The following ARAP1 variants were observed in gnomAD, a reference collection of about 807,000 sequenced individuals.
The protein encoded by ARAP1 is arf-GAP with Rho-GAP domain, ANK repeat and PH domain-containing protein 1.
Under a neutral mutation model 172.2 loss-of-function variants are expected in ARAP1, and 76 were observed. The observed-to-expected ratio is 0.44, with a 90% confidence interval of 0.37 to 0.53. The LOEUF is 0.53. Among genes scored for constraint, ARAP1 ranks in the 20% least tolerant of loss-of-function variants. The pLI is 0.00. For missense variants in ARAP1, 1,686 were observed against 1,977.5 expected, an observed-to-expected ratio of 0.85 and a Z score of 2.80; for synonymous variants, 804 against 803.3, an observed-to-expected ratio of 1.00 and a Z score of -0.01.
chr11:72,702,244 G>T (rs1856522606), intron 15 of ARAP1, among the ~76,000 whole-genome samples: 1 of 152,210 alleles, frequency 6.6e-6, no homozygotes, highest in Non-Finnish European at 1.5e-5. Flanking sequence ...AAGCCAGTTG[G>T]GTGGTCTCCT....
In ARAP1 at chr11:72,695,426, A is replaced by G; in HGVS notation, c.3537T>C (p.Tyr1179=). The G allele has an allele frequency of 1.2e-6, 2 of 1,614,200 alleles. No homozygotes were observed. Residue 1179 remains tyrosine, a synonymous_variant, in exon 26 of 35, where the codon TAT becomes TAC. Coordinates refer to ENST00000393609, the MANE Select transcript of ARAP1 (RefSeq NM_001040118.3). This position sits in a 1 kb window ranked among gnomAD's most constrained non-coding sequence, Gnocchi z 4.4. Reference sequence around the variant, plus strand: ...CAGTCTCTGCCTTCTTCTCTTCCAGATACACTGTGCAGATGAAGTCACCGG... The same window carrying G: ...CAGTCTCTGCCTTCTTCTCTTCCAGGTACACTGTGCAGATGAAGTCACCGG... ...QHAGDFICTV[Y]LEEKKAETEQ...
chr11:72,694,252 C>T (rs1460524530), intron 27 of ARAP1, among the ~76,000 whole-genome samples: 3 of 151,928 alleles, frequency 2.0e-5, no homozygotes, highest in African/African-American at 7.3e-5. Flanking sequence ...AAAGTGTGCT[C>T]TAATTTCCCT....
intron 34 of ARAP1, 45 bp from the exon 35 acceptor site, chr11:72,685,726 A>G (rs543166752): frequency 6.2e-7 from 1 of 1,613,060 alleles, no homozygotes; most frequent in South Asian, 1.1e-5. Context: ...GAAGGCCCAG[A>G]GGGGCTGGCG....
chr11:72,695,759 C>G lies in ARAP1; in HGVS notation c.3379G>C (p.Val1127Leu). 6.2e-7 allele frequency: 1 copy of G among 1,614,246 alleles called. No individual in the cohort carries two copies. Among genetic ancestry groups the G allele is most frequent in the Non-Finnish European group, 8.5e-7 (1 of 1,180,040 alleles). Reference sequence around the variant, plus strand: ...TAGTGGTTAATGAGGTCTTCCACCACACGGCCAGCCTTGTAGTCCTGCCCA... The same window carrying G: ...TAGTGGTTAATGAGGTCTTCCACCAGACGGCCAGCCTTGTAGTCCTGCCCA... ...TDGQDYKAGR[V>L]VEDLINHYVV... The change falls in exon 24 of 35, where the codon GTG becomes CTG. Residue 1127 changes from valine (V) to leucine (L), a missense_variant. Coordinates refer to ENST00000393609, the MANE Select transcript of ARAP1 (RefSeq NM_001040118.3). The surrounding 1 kb of genome is among the most constrained non-coding windows in gnomAD (Gnocchi z 4.4).
At chr11:72,748,613 T>C (rs771767982) in intron 1 of ARAP1, among the ~76,000 whole-genome samples, 1 of 152,136 alleles carries the variant, frequency 6.6e-6, no homozygotes, top group Non-Finnish European at 1.5e-5. Flanking sequence ...CTAGGACAGA[T>C]AACCTAACTA....
In ARAP1 at chr11:72,687,474, G is replaced by A; in HGVS notation, c.4150C>T (p.Leu1384Phe). The change falls in exon 33 of 35, where the codon CTC becomes TTC. Residue 1384 changes from leucine to phenylalanine, a missense_variant. Leu to Phe is a conservative substitution (Grantham distance 22). Around this residue, in one of 5 missense-constraint regions of ARAP1, gnomAD observed 379 missense variants for 500.1 expected, o/e 0.76. Coordinates refer to ENST00000393609, the MANE Select transcript of ARAP1 (RefSeq NM_001040118.3). ...WYLCCDTQME[L>F]REWFATFLFV... ...AGAAAGGTAGCGAACCACTCCCGGA[G>A]CTCCATCTGTGTGTCACAGCAGAGG... The A allele has an allele frequency of 6.2e-7, 1 of 1,614,156 alleles. No individual in the cohort carries two copies. Among genetic ancestry groups the A allele is most frequent in the Non-Finnish European group, 8.5e-7 (1 of 1,180,044 alleles).
Position 72,727,153 on chromosome 11 carries a change from T to A in ARAP1, c.-25A>T, listed in dbSNP as rs1427566717. ...TGGTTCCTGCCAGCGGAGGCCTGAC[T>A]GGCAGGGCTTTGTCCAGAGCTAGAA... On this transcript the variant is annotated 5_prime_UTR_variant, in exon 3 of 35. Transcript: ENST00000393609. The A allele has an allele frequency of 2.6e-6, 4 of 1,552,456 alleles. No homozygotes were observed. The Admixed American group carries it at 7.0e-5, about 27-fold the overall frequency.
chr11:72,722,750 A>AG (rs1488329371), intron 3 of ARAP1, among the ~76,000 whole-genome samples: 1 of 152,162 alleles, frequency 6.6e-6, no homozygotes, highest in African/African-American at 2.4e-5. Flanking sequence ...CAGGTATCAG[A>AG]GGGGGACACC....
Position 72,710,473 on chromosome 11 carries a change from C to T in ARAP1, c.1328G>A (p.Arg443His), listed in dbSNP as rs750813767. 53 of 1,613,976 alleles carry T rather than the reference C, an allele frequency of 3.3e-5. No homozygotes were observed. In the Middle Eastern group the frequency reaches 6.6e-4, roughly 20 times the overall value. The change falls in exon 10 of 35, where the codon CGC becomes CAC. Residue 443 changes from arginine to histidine, a missense_variant. This residue lies in a region of ARAP1 where 688 missense variants were observed against 856.9 expected (regional missense o/e 0.80). Transcript: ENST00000393609. The surrounding 1 kb of genome is among the most constrained non-coding windows in gnomAD (Gnocchi z 4.3). ...LGVPGSEQPD[R>H]AGSLELRGFK... ...GCCACGAAGCTCCAGGCTGCCAGCGCGGTCAGGCTGCTCTGAGCCTGGAAC... is the reference window on the plus strand; with the variant it reads ...GCCACGAAGCTCCAGGCTGCCAGCGTGGTCAGGCTGCTCTGAGCCTGGAAC...
At chr11:72,735,633 G>A (rs1460210288) in intron 1 of ARAP1, among the ~76,000 whole-genome samples, 1 of 152,102 alleles carries the variant, frequency 6.6e-6, no homozygotes, top group African/African-American at 2.4e-5. Context: ...GCTATATACA[G>A]GCCAGGCACT....
chr11:72,750,927 G>A (rs1400331353), intron 1 of ARAP1, among the ~76,000 whole-genome samples: 5 of 152,212 alleles, frequency 3.3e-5, no homozygotes, highest in African/African-American at 1.2e-4. Context: ...TTTGAATGGG[G>A]AGGAAGCTTC....
intron 1 of ARAP1, among the ~76,000 whole-genome samples, chr11:72,742,921 C>T (rs984653216): frequency 6.6e-6 from 1 of 152,176 alleles, no homozygotes; most frequent in Non-Finnish European, 1.5e-5. Flanking sequence ...CCCTGTGTGC[C>T]CCCACTCAAC....
At position 72,726,923 on chromosome 11, in the gene ARAP1, G is replaced by T. The variant is rs1252675946; in HGVS notation, c.206C>A (p.Thr69Asn). The change falls in exon 3 of 35, where the codon ACC becomes AAC. Residue 69 changes from threonine (T) to asparagine (N), a missense_variant. By Grantham distance (65) the Thr-to-Asn change is moderately conservative (BLOSUM62 0). Transcript: ENST00000393609. The surrounding 1 kb of genome is among the most constrained non-coding windows in gnomAD (Gnocchi z 6.5). ...GGGGCGGGGTGCAGGGGCCGGTGAGGTATGGGCACGGAGCAGGCCAGCCAG... is the reference window on the plus strand; with the variant it reads ...GGGGCGGGGTGCAGGGGCCGGTGAGTTATGGGCACGGAGCAGGCCAGCCAG... ...RILAGLLRAH[T>N]SPAPAPRPTP... The T allele has an allele frequency of 2.5e-6, 4 of 1,592,388 alleles. No individual in the cohort carries two copies. The highest frequency in any genetic ancestry group is 2.7e-5 in the African/African-American group (2 of 74,692).
Position 72,697,474 on chromosome 11 carries a change from T to A in ARAP1, c.2802A>T (p.Ile934=). The change falls in exon 21 of 35, where the codon ATA becomes ATT. Residue 934 remains isoleucine, a synonymous_variant. Coordinates refer to ENST00000393609, the MANE Select transcript of ARAP1 (RefSeq NM_001040118.3). ...TGAAGTCCAGCCGCCGCTCGCCCTG[T>A]ATGTACAGTGTCCTGGGCCAGGGAC... ...VLVERRRTLY[I]QGERRLDFMG... 6.2e-7 allele frequency: 1 copy of A among 1,613,570 alleles called. No homozygotes were observed. Among genetic ancestry groups the A allele is most frequent in the Non-Finnish European group, 8.5e-7 (1 of 1,179,828 alleles).
At chr11:72,747,973 A>C (rs904189166) in intron 1 of ARAP1, among the ~76,000 whole-genome samples, 1 of 152,188 alleles carries the variant, frequency 6.6e-6, no homozygotes, top group Admixed American at 6.5e-5. Flanking sequence ...AATGCCTCCC[A>C]GTGCTTGTGG....
Position 72,688,475 on chromosome 11 carries a change from C to G in ARAP1, c.4050G>C (p.Lys1350Asn), listed in dbSNP as rs376015230. Residue 1350 changes from lysine (K) to asparagine (N), a missense_variant, in exon 31 of 35, where the codon AAG becomes AAC. Physicochemically the swap from Lys to Asn is moderately conservative, Grantham distance 94. This residue lies in a region of ARAP1 where 379 missense variants were observed against 500.1 expected (regional missense o/e 0.76). Transcript: ENST00000393609. Reference protein sequence around the residue: ...KSLKVYLGVKKKLRPPTCWGF... With the variant: ...KSLKVYLGVKNKLRPPTCWGF... Reference sequence around the variant, plus strand: ...CTTACCAGGTGGGTGGCCTGAGTTTCTTCTTCACTCCCAGGTAGACTTTGA... The same window carrying G: ...CTTACCAGGTGGGTGGCCTGAGTTTGTTCTTCACTCCCAGGTAGACTTTGA... 3.2e-5 allele frequency: 52 copies of G among 1,612,348 alleles called. No individual in the cohort carries two copies. The highest frequency in any genetic ancestry group is 1.7e-5 in the Admixed American group (1 of 59,846).
chr11:72,695,486 T>G lies in ARAP1; in HGVS notation c.3508-31A>C. 1 of 1,614,180 alleles carries G rather than the reference T, an allele frequency of 6.2e-7. No individual in the cohort carries two copies. The highest frequency in any genetic ancestry group is 1.1e-5 in the South Asian group (1 of 91,082). On this transcript the variant is annotated intron_variant, in intron 25 of 34. Coordinates refer to ENST00000393609, the MANE Select transcript of ARAP1 (RefSeq NM_001040118.3). This position sits in a 1 kb window ranked among gnomAD's most constrained non-coding sequence, Gnocchi z 4.4. Reference sequence around the variant, plus strand: ...GGGAGACAGGGCTCAGCTGGGGGCCTAGGAAATGGGTGCAGGTGGCAGGTC... The same window carrying G: ...GGGAGACAGGGCTCAGCTGGGGGCCGAGGAAATGGGTGCAGGTGGCAGGTC...
intron 1 of ARAP1, among the ~76,000 whole-genome samples, chr11:72,740,299 C>T (rs1266038014): frequency 6.6e-6 from 1 of 152,176 alleles, no homozygotes; most frequent in Non-Finnish European, 1.5e-5. Flanking sequence ...AAATGCTAAA[C>T]CACAGTTTTA....
chr11:72,713,350 C>T, intron 4 of ARAP1, 107 bp from the exon 5 acceptor site: 2 of 1,017,552 alleles, frequency 2.0e-6, no homozygotes, highest in South Asian at 1.4e-5. Context: ...ACCCCCATCC[C>T]CACCTCCCCC....
Sources: gnomAD v4.1 joint callset for allele counts (sites outside exome capture counted in the v4.1 genomes callset) on GRCh38, gnomAD v4.1.1 for gene constraint, gnomAD v4.1.1 regional missense constraint, Gnocchi (gnomAD v3.1) non-coding constraint, MANE v1.5 for transcripts, NCBI Gene and HGNC (gene_info 2026-07-23, HGNC 2026-07-21) for gene names.